SEMA5A: variants seen among roughly 807,000 people sequenced by gnomAD.
SEMA5A encodes semaphorin 5A.
SEMA5A carries 55 observed loss-of-function variants against 135.5 expected under a neutral mutation model. The ratio of observed to expected loss-of-function variants is 0.41; its 90% CI spans 0.33 to 0.51. The LOEUF (loss-of-function observed/expected upper bound fraction) is 0.51, where lower values mean the gene tolerates loss of function less well. SEMA5A is among the 20% of genes least tolerant of loss of function. The pLI, the probability that SEMA5A is intolerant of heterozygous loss-of-function variation, is 0.37. For missense variants in SEMA5A, 1,290 were observed against 1,419.9 expected (o/e 0.91, Z 1.47); for synonymous variants, 580 against 546.5 (o/e 1.06, Z -0.85).
Position 9,066,592 on chromosome 5 carries a change from A to T in SEMA5A, c.2128T>A (p.Trp710Arg). 6.2e-7 allele frequency: 1 copy of T among 1,614,164 alleles called. No individual in the cohort carries two copies. The highest frequency in any genetic ancestry group is 8.5e-7 in the Non-Finnish European group (1 of 1,180,026). Reference protein sequence around the residue: ...PCPELKKTTPWTPWTPVNISD... With the variant: ...PCPELKKTTPRTPWTPVNISD... The stretch of plus-strand genomic sequence containing the variant: ...ATGTTGACAGGTGTCCAGGGTGTCC[A>T]GGGCGTGGTCTTCTTCAGCTCAGGA... The change falls in exon 17 of 23, where the codon TGG becomes AGG. Residue 710 changes from tryptophan (W) to arginine (R), a missense_variant. This residue lies in a region of SEMA5A where 1,029 missense variants were observed against 1,086.6 expected (regional missense o/e 0.95). Transcript: ENST00000382496.
At chr5:9,359,013 C>T (rs965367784) in intron 3 of SEMA5A, among the ~76,000 whole-genome samples, 1 of 152,108 alleles carries the variant, frequency 6.6e-6, no homozygotes, top group Admixed American at 6.5e-5. Context: ...AAAAGGTGAG[C>T]ACATACATGT....
At chr5:9,510,297 C>T (rs1166876162) in intron 1 of SEMA5A, among the ~76,000 whole-genome samples, 1 of 152,146 alleles carries the variant, frequency 6.6e-6, no homozygotes, top group Non-Finnish European at 1.5e-5. Flanking sequence ...AGTAATAATA[C>T]AACAAACGTT....
At chr5:9,401,253 C>G (rs72727295) in intron 2 of SEMA5A, among the ~76,000 whole-genome samples, 19,579 of 152,196 alleles carry the variant, frequency 0.13, 1,388 homozygotes, top group Non-Finnish European at 0.16. Flanking sequence ...TCGCGCCACA[C>G]TGCCTGGACC....
chr5:9,177,197 T>C (rs1402475234), intron 11 of SEMA5A, among the ~76,000 whole-genome samples: 1 of 152,192 alleles, frequency 6.6e-6, no homozygotes, highest in African/African-American at 2.4e-5. Context: ...TTTGGCCAGA[T>C]GCATAGTTAC....
intron 4 of SEMA5A, among the ~76,000 whole-genome samples, chr5:9,323,285 A>C (rs1304794108): frequency 6.6e-6 from 1 of 152,208 alleles, no homozygotes; most frequent in Non-Finnish European, 1.5e-5. Context: ...CATTCAACAA[A>C]AGTATTTTTA....
intron 16 of SEMA5A, among the ~76,000 whole-genome samples, chr5:9,084,047 T>A (rs1236707939): frequency 6.6e-6 from 1 of 152,200 alleles, no homozygotes; most frequent in Non-Finnish European, 1.5e-5. Context: ...AGGAAAACCT[T>A]AGAGAAATCT....
At chr5:9,430,535 C>T (rs559375869) in intron 2 of SEMA5A, among the ~76,000 whole-genome samples, 1 of 152,186 alleles carries the variant, frequency 6.6e-6, no homozygotes, top group South Asian at 2.1e-4. Flanking sequence ...GGGAGATGAC[C>T]ATTTGAGGCT....
chr5:9,234,028 G>A (rs910474614), intron 6 of SEMA5A, among the ~76,000 whole-genome samples: 24 of 152,020 alleles, frequency 1.6e-4, no homozygotes, highest in Admixed American at 6.6e-5. Flanking sequence ...TTGTAATTCT[G>A]TTCTCATAAG....
chr5:9,428,084 GTGTGTATATA>G (rs1337366609), intron 2 of SEMA5A, among the ~76,000 whole-genome samples: 1 of 25,460 alleles, frequency 3.9e-5, no homozygotes, highest in African/African-American at 1.8e-4. Context: ...ATATATATGT[GTGTGTATATA>G]TATATATATA....
At chr5:9,340,929 C>T (rs554850368) in intron 3 of SEMA5A, among the ~76,000 whole-genome samples, 4 of 152,282 alleles carry the variant, frequency 2.6e-5, no homozygotes, top group African/African-American at 7.2e-5. Flanking sequence ...GGCACTCAAT[C>T]CTCTTTTCAA....
intron 5 of SEMA5A, among the ~76,000 whole-genome samples, chr5:9,259,233 C>A (rs1030464377): frequency 1.3e-5 from 2 of 152,186 alleles, no homozygotes. Context: ...TGCTTCTGGG[C>A]AAAATTTGCT....
At position 9,084,393 on chromosome 5, in the gene SEMA5A, A is replaced by G. The variant is rs144645221; in HGVS notation, c.2074-17747T>C. ...CCTGATATGGTTTGGCTGTGTCCCCACCCAAATCTCATCTTGTAGCTCCCA... is the reference window on the plus strand; with the variant it reads ...CCTGATATGGTTTGGCTGTGTCCCCGCCCAAATCTCATCTTGTAGCTCCCA... On this transcript the variant is annotated intron_variant, in intron 16 of 22. Coordinates refer to ENST00000382496, the MANE Select transcript of SEMA5A (RefSeq NM_003966.3). Among the ~76,000 whole-genome samples the G allele has an allele frequency of 5.5e-3, 839 of 152,184 alleles. 9 individuals carry two copies. The highest frequency in any genetic ancestry group is 0.017 in the African/African-American group (697 of 41,516).
chr5:9,178,035 C>A (rs1447495098), intron 11 of SEMA5A, among the ~76,000 whole-genome samples: 2 of 152,086 alleles, frequency 1.3e-5, no homozygotes, highest in Non-Finnish European at 2.9e-5. Flanking sequence ...TCAAAACCAA[C>A]AAAATTGATG....
At chr5:9,511,149 T>C (rs1579660132) in intron 1 of SEMA5A, among the ~76,000 whole-genome samples, 2 of 152,228 alleles carry the variant, frequency 1.3e-5, no homozygotes, top group Non-Finnish European at 2.9e-5. Flanking sequence ...AATGAATCAT[T>C]ATAATATATT....
At chr5:9,162,643 C>T (rs1370043572) in intron 11 of SEMA5A, among the ~76,000 whole-genome samples, 1 of 147,898 alleles carries the variant, frequency 6.8e-6, no homozygotes, top group Non-Finnish European at 1.5e-5. Context: ...AGTCGATTTC[C>T]TTAATCCAGC....
chr5:9,218,560 G>A (rs1176321462), intron 8 of SEMA5A, among the ~76,000 whole-genome samples: 1 of 152,230 alleles, frequency 6.6e-6, no homozygotes, highest in Non-Finnish European at 1.5e-5. Flanking sequence ...AAATTTTGCT[G>A]ACTAAGGTTA....
At chr5:9,456,767 A>G (rs1056546802) in intron 1 of SEMA5A, among the ~76,000 whole-genome samples, 7 of 152,232 alleles carry the variant, frequency 4.6e-5, no homozygotes, top group Admixed American at 6.5e-5. Flanking sequence ...GGGAAACTTC[A>G]AGAAGCACTG....
At chr5:9,416,431 G>T (rs1359107927) in intron 2 of SEMA5A, among the ~76,000 whole-genome samples, 1 of 152,152 alleles carries the variant, frequency 6.6e-6, no homozygotes, top group Non-Finnish European at 1.5e-5. Flanking sequence ...TTAGATCCAG[G>T]TGGAGGTGAG....
At chr5:9,121,666 T>C (rs1740818417) in intron 14 of SEMA5A, among the ~76,000 whole-genome samples, 2 of 152,162 alleles carry the variant, frequency 1.3e-5, no homozygotes, top group African/African-American at 2.4e-5. Flanking sequence ...TAATGCAATG[T>C]TGATATGCCT....
Sources: gnomAD v4.1 joint callset for allele counts (sites outside exome capture counted in the v4.1 genomes callset) on GRCh38, gnomAD v4.1.1 for gene constraint, gnomAD v4.1.1 regional missense constraint, MANE v1.5 for transcripts, NCBI Gene and HGNC (gene_info 2026-07-23, HGNC 2026-07-21) for gene names.